Variants in ATP7A observed in about 807,000 individuals in gnomAD.
The protein encoded by ATP7A is copper-transporting ATPase 1.
ATP7A carries 7 observed loss-of-function variants against 83.5 expected under a neutral mutation model. The ratio of observed to expected loss-of-function variants is 0.08; its 90% CI spans 0.05 to 0.16. The LOEUF is 0.16. Among genes scored for constraint, ATP7A ranks in the 10% least tolerant of loss-of-function variants. The pLI, the probability that ATP7A is intolerant of heterozygous loss-of-function variation, is 1.00. For missense variants in ATP7A, 940 were observed against 1,120.8 expected (o/e 0.84, Z 2.30); for synonymous variants, 354 against 395.2 (o/e 0.90, Z 1.24).
At chrX:77,968,195 T>C (rs2077521194) in intron 1 of ATP7A, among the ~76,000 whole-genome samples, 1 of 111,118 alleles carries the variant, frequency 9.0e-6, no homozygotes. Context: ...AAGGAGCTGA[T>C]CCTATATTGG....
At chrX:77,923,789 G>C (rs1557223341) in intron 1 of ATP7A, 2 of 111,151 alleles carry the variant, frequency 1.8e-5, no homozygotes, top group African/African-American at 6.5e-5. Context: ...TGTGTGCACA[G>C]CCTTCATCAT....
At chrX:77,924,983 C>G (rs782014858) in intron 1 of ATP7A, among the ~76,000 whole-genome samples, 1 of 111,863 alleles carries the variant, frequency 8.9e-6, no homozygotes, top group East Asian at 2.8e-4. Context: ...TGAGCCACTA[C>G]GCCCAGCCAG....
At chrX:77,911,951 A>C (rs1400922477) in intron 1 of ATP7A, among the ~76,000 whole-genome samples, 1 of 112,141 alleles carries the variant, frequency 8.9e-6, no homozygotes, top group South Asian at 3.7e-4. Flanking sequence ...TCCAAAAAAG[A>C]AGAAAGAAAA....
Position 78,009,097 on chromosome X carries a change from A to G in ATP7A, c.1708-5A>G, listed in dbSNP as rs782104249. The G allele has an allele frequency of 4.1e-6, 5 of 1,209,461 alleles. No individual in the cohort carries two copies. The highest frequency in any genetic ancestry group is 4.5e-6 in the Non-Finnish European group (4 of 893,934). ...CCTGAAGAACAAATGCTTTGTCTTTAACAGGTGAGGGGAATGACGTGTGCC... is the reference window on the plus strand; with the variant it reads ...CCTGAAGAACAAATGCTTTGTCTTTGACAGGTGAGGGGAATGACGTGTGCC... On this transcript the variant is annotated splice_polypyrimidine_tract_variant and splice_region_variant and intron_variant, in intron 6 of 22. Transcript: ENST00000341514.
intron 1 of ATP7A, among the ~76,000 whole-genome samples, chrX:77,957,872 A>G (rs1285311101): frequency 9.0e-6 from 1 of 111,141 alleles, no homozygotes; most frequent in South Asian, 3.8e-4. Context: ...TTTTCTCAGC[A>G]CCACTTATTG....
At chrX:77,920,848 C>G (rs782104701) in intron 1 of ATP7A, among the ~76,000 whole-genome samples, 1 of 111,099 alleles carries the variant, frequency 9.0e-6, no homozygotes, top group Non-Finnish European at 1.9e-5. Flanking sequence ...ATTACTGGGT[C>G]GAATTGAGTT....
At chrX:77,994,210 C>T (rs1265611787) in intron 4 of ATP7A, among the ~76,000 whole-genome samples, 2 of 110,375 alleles carry the variant, frequency 1.8e-5, no homozygotes, top group African/African-American at 3.3e-5. Context: ...GGATTACAGG[C>T]GCATGCCACC....
rs782746471 is a variant in ATP7A, at chrX:77,919,089, G to A, written c.-22+8254G>A. Among the ~76,000 whole-genome samples the A allele has an allele frequency of 3.6e-5, 4 of 111,982 alleles. No individual in the cohort carries two copies. The South Asian group carries it at 1.5e-3, about 41-fold the overall frequency. On this transcript the variant is annotated intron_variant, in intron 1 of 22. Coordinates refer to ENST00000341514, the MANE Select transcript of ATP7A (RefSeq NM_000052.7). ...TTTTATCAGTATCAAGTGGAATAAT[G>A]TATGCAAAAACTTCATAAATTAAAG... is the stretch of plus-strand genomic sequence containing the variant.
chrX:77,961,185 G>T (rs2077472449), intron 1 of ATP7A, among the ~76,000 whole-genome samples: 1 of 111,628 alleles, frequency 9.0e-6, no homozygotes, highest in African/African-American at 3.3e-5. Flanking sequence ...GGGAAAAGTG[G>T]CTTAATTAGT....
At position 77,971,761 on chromosome X, in the gene ATP7A, G is replaced by A. The variant is rs1400740365; in HGVS notation, c.120G>A (p.Lys40=). 7.4e-6 allele frequency: 9 copies of A among 1,208,932 alleles called. No individual in the cohort carries two copies. The East Asian group carries it at 2.7e-4, about 36-fold the overall frequency. Residue 40 remains lysine, a splice_region_variant and synonymous_variant, in exon 2 of 23, where the codon AAG becomes AAA. Transcript: ENST00000341514. The part of the protein sequence containing the change: ...IGKVNGVHHI[K]VSLEEKNATI... The stretch of plus-strand genomic sequence containing the variant: ...AAGTGAATGGTGTGCATCACATTAA[G>A]GTAAGTTACTCTTTGGAAACTGAAG...
intron 6 of ATP7A, among the ~76,000 whole-genome samples, chrX:78,004,205 A>G (rs1204077690): frequency 9.0e-6 from 1 of 110,600 alleles, no homozygotes; most frequent in African/African-American, 3.3e-5. Context: ...CTCATTTAGT[A>G]AAAAATGCAA....
intron 16 of ATP7A, among the ~76,000 whole-genome samples, chrX:78,032,712 T>A (rs1194386504): frequency 8.9e-6 from 1 of 111,750 alleles, no homozygotes; most frequent in Admixed American, 9.5e-5. Context: ...TTGTCTCACA[T>A]TAATTTTACA....
chrX:77,983,337 G>C (rs782376934), intron 2 of ATP7A, among the ~76,000 whole-genome samples: 2 of 111,975 alleles, frequency 1.8e-5, no homozygotes, highest in South Asian at 7.4e-4. Flanking sequence ...TCAGAGGTAG[G>C]GTAATTTGTT....
At chrX:78,034,638 G>C (rs1375277900) in intron 17 of ATP7A, among the ~76,000 whole-genome samples, 1 of 110,837 alleles carries the variant, frequency 9.0e-6, no homozygotes, top group African/African-American at 3.3e-5. Flanking sequence ...TCCTCATCCT[G>C]CAAGACCTCA....
rs1232019665 is a variant in ATP7A, at chrX:77,926,707, A to AT, written c.-22+15885dup. On this transcript the variant is annotated intron_variant, in intron 1 of 22. Coordinates refer to ENST00000341514, the MANE Select transcript of ATP7A (RefSeq NM_000052.7). ...CATTTATCACTACTTGACTTTTGCA[A>AT]TTTTTTTTTTTTTGAGATGGAGTCT... Among the ~76,000 whole-genome samples, 483 of 101,988 alleles carry AT rather than the reference A, an allele frequency of 4.7e-3. 3 individuals carry two copies. The highest frequency in any genetic ancestry group is 0.014 in the African/African-American group (386 of 28,147). The allele number at this position is 101,988 out of a possible 115,157, so 88.6% of individuals were successfully genotyped here.
intron 2 of ATP7A, chrX:77,975,620 G>A (rs1348068815): frequency 6.5e-5 from 7 of 107,278 alleles, no homozygotes; most frequent in African/African-American, 2.4e-4. Context: ...CTCCCAAGTA[G>A]CTGGGACTAC....
rs781838499 is a variant in ATP7A, at chrX:77,988,623, G to A, written c.502G>A (p.Ala168Thr). The change falls in exon 3 of 23, where the codon GCT becomes ACT. Residue 168 changes from alanine to threonine, a missense_variant. Transcript: ENST00000341514. The part of the protein sequence containing the change: ...GACEDHSMAQ[A>T]GEVVLKMKVE... ...TTGTGAAGATCATAGTATGGCTCAA[G>A]CTGGTGAAGTCGTGCTGAAGATGAA... The A allele has an allele frequency of 1.4e-5, 17 of 1,209,839 alleles. No individual in the cohort carries two copies. In the Admixed American group the frequency reaches 2.6e-4, roughly 19 times the overall value.
chrX:77,934,450 T>C (rs1310416547), intron 1 of ATP7A, among the ~76,000 whole-genome samples: 1 of 111,722 alleles, frequency 9.0e-6, no homozygotes, highest in Non-Finnish European at 1.9e-5. Context: ...TCTACAGTCT[T>C]CTGCCTCATT....
At chrX:77,943,609 T>TA (rs1385390902) in intron 1 of ATP7A, among the ~76,000 whole-genome samples, 1 of 111,951 alleles carries the variant, frequency 8.9e-6, no homozygotes, top group Non-Finnish European at 1.9e-5. Flanking sequence ...ATTAAAAAAA[T>TA]AAAAAATACA....
Sources: allele counts gnomAD v4.1 joint callset (sites outside exome capture counted in the v4.1 genomes callset), GRCh38; gene constraint gnomAD v4.1.1; transcripts MANE v1.5; gene names NCBI Gene and HGNC (gene_info 2026-07-23, HGNC 2026-07-21).